Variants in TINAGL1 observed in about 807,000 individuals in gnomAD.
The protein encoded by TINAGL1 is tubulointerstitial nephritis antigen like 1.
In TINAGL1, 34 loss-of-function variants were observed where a neutral mutation model predicts 62.0. The observed-to-expected ratio is 0.55, with a 90% CI of 0.42 to 0.73. TINAGL1 has a LOEUF of 0.73. Among genes scored for constraint, TINAGL1 ranks in the 30% least tolerant of loss-of-function variants. TINAGL1 has a pLI of 0.00. For synonymous variants in TINAGL1, 221 were observed against 249.7 expected (o/e 0.88, Z 1.08); for missense variants, 516 against 653.2 (o/e 0.79, Z 2.29).
rs1344679876 is a variant in TINAGL1, at chr1:31,587,081, G to A, written c.*102G>A. On this transcript the variant is annotated 3_prime_UTR_variant, in exon 12 of 12. Coordinates refer to ENST00000271064, the MANE Select transcript of TINAGL1 (RefSeq NM_022164.3). ...CCCCAGCCTCGCCCGACAGAGCCCG[G>A]GGCGCAGGCGGGCGCCAGGGCGCTA... 35 of 1,328,254 alleles carry A rather than the reference G, an allele frequency of 2.6e-5. No homozygotes were observed. The highest frequency in any genetic ancestry group is 3.3e-5 in the Non-Finnish European group (35 of 1,044,988). 82.3% of individuals were successfully genotyped at this position (1,328,254 alleles called of 1,614,324 possible). A position where few individuals can be genotyped will look rare whatever the true frequency, so the allele number is the denominator to read the frequency against.
chr1:31,586,811 C>A, intron 11 of TINAGL1, 28 bp from the exon 12 acceptor site: 1 of 1,545,952 alleles, frequency 6.5e-7, no homozygotes. Flanking sequence ...CTCCCATTCC[C>A]CTTCTCACCA....
chr1:31,587,084 C>A lies in TINAGL1; in HGVS notation c.*105C>A. On this transcript the variant is annotated 3_prime_UTR_variant, in exon 12 of 12. Transcript: ENST00000271064. ...CAGCCTCGCCCGACAGAGCCCGGGG[C>A]GCAGGCGGGCGCCAGGGCGCTAATC... The A allele has an allele frequency of 7.5e-7, 1 of 1,324,548 alleles. No homozygotes were observed. The highest frequency in any genetic ancestry group is 9.6e-7 in the Non-Finnish European group (1 of 1,042,308). The allele number at this position is 1,324,548 out of a possible 1,614,324, so 82.0% of individuals were successfully genotyped here.
intron 3 of TINAGL1, 89 bp downstream of exon 3, chr1:31,579,356 G>A (rs1639140630): frequency 2.5e-6 from 3 of 1,200,518 alleles, no homozygotes; most frequent in Non-Finnish European, 3.7e-6. Flanking sequence ...CCTTTTGCAA[G>A]GGAGAAGTCT....
In TINAGL1 at chr1:31,584,490, G is replaced by T; in HGVS notation, c.583-188G>T. ...CCGCCCCACCACCTGATACCTGGGA[G>T]GCACTAAATGGTGCTTGGTTCTTCA... On this transcript the variant is annotated intron_variant, in intron 5 of 11. Coordinates refer to ENST00000271064, the MANE Select transcript of TINAGL1 (RefSeq NM_022164.3). This position sits in a 1 kb window ranked among gnomAD's most constrained non-coding sequence, Gnocchi z 4.0. 1.3e-6 allele frequency: 1 copy of T among 788,126 alleles called. No homozygotes were observed. Among genetic ancestry groups the T allele is most frequent in the Non-Finnish European group, 2.0e-6 (1 of 497,334 alleles). 48.8% of individuals were successfully genotyped at this position (788,126 alleles called of 1,614,324 possible).
intron 10 of TINAGL1, 36 bp from the exon 11 acceptor site, chr1:31,586,674 C>A: frequency 1.3e-6 from 2 of 1,555,038 alleles, no homozygotes; most frequent in Non-Finnish European, 1.7e-6. Flanking sequence ...AGCAGGTAGA[C>A]CCAGCTCCCT....
At position 31,577,243 on chromosome 1, in the gene TINAGL1, C is replaced by T; in HGVS notation, c.95C>T (p.Ala32Val). The T allele has an allele frequency of 6.2e-7, 1 of 1,608,936 alleles. No individual in the cohort carries two copies. The highest frequency in any genetic ancestry group is 8.5e-7 in the Non-Finnish European group (1 of 1,178,410). Residue 32 changes from alanine (A) to valine (V), a missense_variant, in exon 2 of 12, where the codon GCA (alanine) becomes GTA (valine). Ala to Val is a moderately conservative substitution (Grantham distance 64). Coordinates refer to ENST00000271064, the MANE Select transcript of TINAGL1 (RefSeq NM_022164.3). The surrounding 1 kb of genome is among the most constrained non-coding windows in gnomAD (Gnocchi z 5.4). Reference sequence around the variant, plus strand: ...CAGGGTCGTGGGCGCCGGGAGCTAGCACCGGGTCTGCACCTGCGGGGCATC... The same window carrying T: ...CAGGGTCGTGGGCGCCGGGAGCTAGTACCGGGTCTGCACCTGCGGGGCATC... ...AQQGRGRREL[A>V]PGLHLRGIRD... is the part of the protein sequence containing the mutation.
Position 31,577,165 on chromosome 1 carries a change from T to C in TINAGL1, c.17T>C (p.Leu6Pro). The change falls in exon 2 of 12, where the codon CTG (leucine) becomes CCG (proline). Residue 6 changes from leucine (L) to proline (P), a missense_variant. Transcript: ENST00000271064. The surrounding 1 kb of genome is among the most constrained non-coding windows in gnomAD (Gnocchi z 5.4). Reference protein sequence around the residue: MWRCPLGLLLLLPLAG... With the variant: MWRCPPGLLLLLPLAG... Reference sequence around the variant, plus strand: ...GGAGCCACCATGTGGCGATGTCCACTGGGGCTACTGCTGTTGCTGCCGCTG... The same window carrying C: ...GGAGCCACCATGTGGCGATGTCCACCGGGGCTACTGCTGTTGCTGCCGCTG... 2 of 1,557,520 alleles carry C rather than the reference T, an allele frequency of 1.3e-6. No individual in the cohort carries two copies. The highest frequency in any genetic ancestry group is 1.2e-5 in the South Asian group (1 of 83,074).
chr1:31,580,272 G>A, intron 3 of TINAGL1: 2 of 1,149,546 alleles, frequency 1.7e-6, no homozygotes, highest in South Asian at 1.7e-5. Context: ...TCTCACTGCT[G>A]TCCCTGGCCC....
rs1056501934 is a variant in TINAGL1, at chr1:31,577,899, T to C, written c.310+441T>C. 1.1e-5 allele frequency: 2 copies of C among 176,628 alleles called. No individual in the cohort carries two copies. The highest frequency in any genetic ancestry group is 1.4e-4 in the South Asian group (1 of 7,066). 10.9% of individuals were successfully genotyped at this position (176,628 alleles called of 1,614,324 possible). A position where few individuals can be genotyped will look rare whatever the true frequency, so the allele number is the denominator to read the frequency against. On this transcript the variant is annotated intron_variant, in intron 2 of 11. Coordinates refer to ENST00000271064, the MANE Select transcript of TINAGL1 (RefSeq NM_022164.3). This position sits in a 1 kb window ranked among gnomAD's most constrained non-coding sequence, Gnocchi z 5.4. ...TCAGCCTCACCATCATCCTTTTCCA[T>C]GCACTTGCCCCTGTCCAATAGGAGA... is the stretch of plus-strand genomic sequence containing the variant.
rs1372339004 is a variant in TINAGL1 at position 31,584,762 on chromosome 1, C to A, written c.667C>A (p.Gln223Lys). ...WPNLIHEPLD[Q>K]GNCAGSWAFS... Reference sequence around the variant, plus strand: ...CAACCTGATTCATGAGCCTCTTGACCAAGGCAACTGTGCAGGCTCCTGGGC... The same window carrying A: ...CAACCTGATTCATGAGCCTCTTGACAAAGGCAACTGTGCAGGCTCCTGGGC... Residue 223 changes from glutamine to lysine, a missense_variant, in exon 6 of 12, where the codon CAA becomes AAA. Physicochemically the swap from Gln to Lys is moderately conservative, Grantham distance 53. Coordinates refer to ENST00000271064, the MANE Select transcript of TINAGL1 (RefSeq NM_022164.3). This position sits in a 1 kb window ranked among gnomAD's most constrained non-coding sequence, Gnocchi z 4.0. 3 of 1,614,250 alleles carry A rather than the reference C, an allele frequency of 1.9e-6. No individual in the cohort carries two copies. Among genetic ancestry groups the A allele is most frequent in the Non-Finnish European group, 8.5e-7 (1 of 1,180,036 alleles).
intron 3 of TINAGL1, among the ~76,000 whole-genome samples, chr1:31,582,428 A>G (rs868322249): frequency 6.6e-6 from 1 of 151,994 alleles, no homozygotes; most frequent in African/African-American, 2.4e-5. Context: ...GGAGGAGGGG[A>G]TCAGGGGACA....
chr1:31,580,435 G>C, intron 3 of TINAGL1: 1 of 1,289,358 alleles, frequency 7.8e-7, no homozygotes, highest in Non-Finnish European at 1.0e-6. Context: ...GGGTGGGGGA[G>C]TGTCCAGGGT....
At chr1:31,580,916 G>C (rs773122492) in intron 3 of TINAGL1, 31 of 463,840 alleles carry the variant, frequency 6.7e-5, no homozygotes, top group Non-Finnish European at 8.2e-5. Flanking sequence ...CAACAAATGA[G>C]TATATTCTGA....
In TINAGL1 at chr1:31,584,897, G is replaced by A. The variant is rs368629759; in HGVS notation, c.718G>A (p.Asp240Asn). 38 of 1,610,352 alleles carry A rather than the reference G, an allele frequency of 2.4e-5. No individual in the cohort carries two copies. Among genetic ancestry groups the A allele is most frequent in the Non-Finnish European group, 2.9e-5 (34 of 1,177,014 alleles). Residue 240 changes from aspartate to asparagine, a missense_variant, in exon 7 of 12, where the codon GAT becomes AAT. Physicochemically the swap from Asp to Asn is conservative, Grantham distance 23. Coordinates refer to ENST00000271064, the MANE Select transcript of TINAGL1 (RefSeq NM_022164.3). This position sits in a 1 kb window ranked among gnomAD's most constrained non-coding sequence, Gnocchi z 4.0. ...WAFSTAAVAS[D>N]RVSIHSLGHM... ...TCTCACCCCACCAGCTGTGGCATCC[G>A]ATCGTGTCTCAATCCATTCTCTGGG...
chr1:31,584,317 G>C lies in TINAGL1; in HGVS notation c.583-361G>C, dbSNP rs1639327142. 8.3e-6 allele frequency: 2 copies of C among 239,542 alleles called. No homozygotes were observed. The highest frequency in any genetic ancestry group is 2.2e-5 in the African/African-American group (1 of 45,446). The allele number at this position is 239,542 out of a possible 1,614,324, so 14.8% of individuals were successfully genotyped here. ...CTCCCCTGAGGGAAAGCTAAGGCCT[G>C]AAGAAAGCTAAGGCCGATCAGAAGG... On this transcript the variant is annotated intron_variant, in intron 5 of 11. Transcript: ENST00000271064. The surrounding 1 kb of genome is among the most constrained non-coding windows in gnomAD (Gnocchi z 4.0).
chr1:31,586,212 C>T, intron 10 of TINAGL1: 1 of 308,210 alleles, frequency 3.2e-6, no homozygotes, highest in Non-Finnish European at 6.0e-6. Flanking sequence ...GGTCGCTCCC[C>T]TGGCCTCAGT....
In TINAGL1 at chr1:31,587,251, C is replaced by G. The variant is rs985574077; in HGVS notation, c.*272C>G. The G allele has an allele frequency of 2.8e-6, 1 of 356,448 alleles. No individual in the cohort carries two copies. Among genetic ancestry groups the G allele is most frequent in the Non-Finnish European group, 4.9e-6 (1 of 206,078 alleles). 22.1% of individuals were successfully genotyped at this position (356,448 alleles called of 1,614,324 possible). On this transcript the variant is annotated 3_prime_UTR_variant, in exon 12 of 12. Coordinates refer to ENST00000271064, the MANE Select transcript of TINAGL1 (RefSeq NM_022164.3). The stretch of plus-strand genomic sequence containing the variant: ...GCTGCAGATCCCAGGCCTCTGGCGC[C>G]CCCACTCAAGACTACCAAAGCCAGG...
intron 2 of TINAGL1, chr1:31,578,032 C>T: frequency 2.7e-6 from 1 of 374,792 alleles, no homozygotes; most frequent in Non-Finnish European, 3.7e-6. Flanking sequence ...TGCTTACCTT[C>T]TCTGGGCCTT....
Position 31,579,214 on chromosome 1 carries a change from T to G in TINAGL1, c.321T>G (p.His107Gln), listed in dbSNP as rs191913414. Residue 107 changes from histidine (H) to glutamine (Q), a missense_variant, in exon 3 of 12, where the codon CAT (histidine) becomes CAG (glutamine). By Grantham distance (24) the His-to-Gln change is conservative. Transcript: ENST00000271064. ...PPFPPIQGCM[H>Q]GGRIYPVLGT... is the part of the protein sequence containing the mutation. The stretch of plus-strand genomic sequence containing the variant: ...CTTCCCTTCCAACAGGATGTATGCA[T>G]GGAGGTCGTATCTATCCAGTCTTGG... 4 of 1,614,020 alleles carry G rather than the reference T, an allele frequency of 2.5e-6. No individual in the cohort carries two copies. In the African/African-American group the frequency reaches 4.0e-5, roughly 16 times the overall value.
Sources: allele counts gnomAD v4.1 joint callset (sites outside exome capture counted in the v4.1 genomes callset), GRCh38; gene constraint gnomAD v4.1.1; non-coding constraint Gnocchi (gnomAD v3.1); transcripts MANE v1.5; gene names NCBI Gene and HGNC (gene_info 2026-07-23, HGNC 2026-07-21).